Variants in ACLY observed in about 807,000 individuals in gnomAD.
The protein encoded by ACLY is ATP-citrate synthase.
ACLY carries 41 observed loss-of-function variants against 133.0 expected under a neutral mutation model. That is an observed-to-expected ratio of 0.31 (90% CI 0.24 to 0.40). ACLY has a LOEUF of 0.40. Ranked by LOEUF, ACLY falls within the 10% of genes least tolerant of loss-of-function variation. The pLI is 1.00. For synonymous variants in ACLY, 495 were observed against 549.3 expected (o/e 0.90, Z 1.38); for missense variants, 1,046 against 1,453.8 (o/e 0.72, Z 4.56).
At chr17:41,908,080 A>G (rs1471501551) in intron 6 of ACLY, among the ~76,000 whole-genome samples, 1 of 151,972 alleles carries the variant, frequency 6.6e-6, no homozygotes, top group Non-Finnish European at 1.5e-5. Flanking sequence ...CTCACTGGAC[A>G]CCCATCTTCC....
At chr17:41,868,601 A>G in intron 28 of ACLY, 108 bp downstream of exon 28, 1 of 452,752 alleles carries the variant, frequency 2.2e-6, no homozygotes, top group Non-Finnish European at 3.3e-6. Context: ...AAAGAAAATT[A>G]AAAAAAAAAA....
chr17:41,919,065 T>G, upstream of ACLY: 3 of 1,250,538 alleles, frequency 2.4e-6, no homozygotes, highest in Non-Finnish European at 3.1e-6. Flanking sequence ...TTCCCTAGCC[T>G]GAGCGCCAGG....
upstream of ACLY, among the ~76,000 whole-genome samples, chr17:41,923,282 G>A (rs145825372): frequency 5.1e-3 from 778 of 152,316 alleles, 3 homozygotes; most frequent in Admixed American, 8.4e-3. Flanking sequence ...AATACAGAGG[G>A]TTATAGGCAC....
upstream of ACLY, chr17:41,919,063 C>G: frequency 8.0e-7 from 1 of 1,254,118 alleles, no homozygotes; most frequent in African/African-American, 1.6e-5. Context: ...CGTTCCCTAG[C>G]CTGAGCGCCA....
At chr17:41,915,925 C>T (rs892812597) in intron 1 of ACLY, among the ~76,000 whole-genome samples, 1 of 152,166 alleles carries the variant, frequency 6.6e-6, no homozygotes, top group Admixed American at 6.5e-5. Flanking sequence ...AAGGAAGTCC[C>T]TGGGCTATGC....
At chr17:41,875,652 T>C (rs369296181) in intron 22 of ACLY, among the ~76,000 whole-genome samples, 2 of 152,316 alleles carry the variant, frequency 1.3e-5, no homozygotes, top group East Asian at 1.9e-4. Flanking sequence ...CTGTGTTGGC[T>C]GGGCTGGTCT....
Position 41,898,752 on chromosome 17 carries a change from C to T in ACLY, c.1217G>A (p.Gly406Asp), listed in dbSNP as rs2049442153. ...AATGGCCGTCATGTGAGTCTCTGTG[C>T]CAAAGACATGGATGGGGATCCCAGT... is the stretch of plus-strand genomic sequence containing the variant. ...KTTGIPIHVF[G>D]TETHMTAIVG... Residue 406 changes from glycine (G) to aspartate (D), a missense_variant, in exon 12 of 29, where the codon GGC becomes GAC. By Grantham distance (94) the Gly-to-Asp change is moderately conservative (BLOSUM62 -1). Transcript: ENST00000352035. The T allele has an allele frequency of 6.2e-7, 1 of 1,613,928 alleles. No individual in the cohort carries two copies. Among genetic ancestry groups the T allele is most frequent in the African/African-American group, 1.3e-5 (1 of 74,932 alleles).
intron 22 of ACLY, among the ~76,000 whole-genome samples, chr17:41,877,808 G>C (rs1215662655): frequency 1.3e-5 from 2 of 152,142 alleles, no homozygotes; most frequent in African/African-American, 4.8e-5. Flanking sequence ...TGTGCTGGAT[G>C]CTTCCTGCCC....
intron 16 of ACLY, among the ~76,000 whole-genome samples, chr17:41,888,720 A>T (rs2049119980): frequency 1.3e-5 from 2 of 152,056 alleles, no homozygotes; most frequent in Admixed American, 1.3e-4. Context: ...ACCCGGTAGG[A>T]GGATCAATTG....
chr17:41,874,933 A>AC lies in ACLY; in HGVS notation c.2488-969_2488-968insG, dbSNP rs66479560. Among the ~76,000 whole-genome samples the AC allele has an allele frequency of 5.4e-4, 82 of 151,846 alleles. No homozygotes were observed. The East Asian group carries it at 0.012, about 23-fold the overall frequency. On this transcript the variant is annotated intron_variant, in intron 22 of 28. Coordinates refer to ENST00000352035, the MANE Select transcript of ACLY (RefSeq NM_001096.3). ...TCCTTGTGTTATAGCAAAAAAAAAA[A>AC]AAAAAAAATGAGGCTTAGAGAGGCT...
chr17:41,887,739 C>T (rs1555628539), intron 16 of ACLY, 36 bp from the exon 17 acceptor site: 7 of 1,584,134 alleles, frequency 4.4e-6, no homozygotes, highest in Non-Finnish European at 6.1e-6. Flanking sequence ...TGTTAACTCT[C>T]TGCCTCAGAA....
chr17:41,882,004 T>C (rs979833923), intron 20 of ACLY, among the ~76,000 whole-genome samples: 26 of 152,010 alleles, frequency 1.7e-4, no homozygotes, highest in African/African-American at 5.8e-4. Context: ...ACCTCCTTCT[T>C]TGCATGCCTG....
chr17:41,877,870 T>C (rs1429985316), intron 22 of ACLY, among the ~76,000 whole-genome samples: 1 of 152,140 alleles, frequency 6.6e-6, no homozygotes, highest in Non-Finnish European at 1.5e-5. Flanking sequence ...CTGGCTCTCC[T>C]TGCTCCTCAG....
rs116683887 is a variant in ACLY at position 41,878,438 on chromosome 17, G to C, written c.2394-242C>G. ...AAGGACACAGCCGGGAGTCCAGGCA[G>C]GTTTAAGAGGTAGAAATGGGAAGAG... On this transcript the variant is annotated intron_variant, in intron 21 of 28. Coordinates refer to ENST00000352035, the MANE Select transcript of ACLY (RefSeq NM_001096.3). Among the ~76,000 whole-genome samples, 611 of 152,164 alleles carry C rather than the reference G, an allele frequency of 4.0e-3. 3 individuals are homozygous for C. The highest frequency in any genetic ancestry group is 0.014 in the African/African-American group (585 of 41,504).
chr17:41,918,805 C>T (rs182189366), intron 1 of ACLY, 75 bp downstream of exon 1: 2 of 1,263,200 alleles, frequency 1.6e-6, no homozygotes, highest in South Asian at 2.6e-5. Flanking sequence ...AAGGCGGTTC[C>T]GGGTTGGGGG....
At chr17:41,912,106 C>A (rs528427823) in intron 3 of ACLY, among the ~76,000 whole-genome samples, 1 of 149,792 alleles carries the variant, frequency 6.7e-6, no homozygotes, top group Non-Finnish European at 1.5e-5. Context: ...AGAGCAAGAC[C>A]CTGTCAAAAA....
chr17:41,922,466 A>G (rs1424209405), upstream of ACLY, among the ~76,000 whole-genome samples: 5 of 152,052 alleles, frequency 3.3e-5, no homozygotes, highest in African/African-American at 1.2e-4. Flanking sequence ...GAGAAAAAAA[A>G]AAAGAAAGAC....
intron 8 of ACLY, 23 bp downstream of exon 8, chr17:41,906,505 C>T: frequency 6.2e-7 from 1 of 1,607,106 alleles, no homozygotes; most frequent in African/African-American, 1.3e-5. Flanking sequence ...GCTGGCATCC[C>T]TTCAGCAACC....
At chr17:41,893,445 C>T (rs1342141980) in intron 14 of ACLY, among the ~76,000 whole-genome samples, 2 of 152,128 alleles carry the variant, frequency 1.3e-5, no homozygotes, top group African/African-American at 2.4e-5. Context: ...AAAGAAGGGC[C>T]CCACAGTCAA....
Sources: gnomAD v4.1 joint callset for allele counts (sites outside exome capture counted in the v4.1 genomes callset) on GRCh38, gnomAD v4.1.1 for gene constraint, MANE v1.5 for transcripts, NCBI Gene and HGNC (gene_info 2026-07-23, HGNC 2026-07-21) for gene names.